The following SNTG1 variants were observed in gnomAD, a reference collection of about 807,000 sequenced individuals.
The protein encoded by SNTG1 is syntrophin gamma 1.
Under a neutral mutation model 74.7 loss-of-function variants are expected in SNTG1, and 39 were observed. That is an observed-to-expected ratio of 0.52 (90% CI 0.40 to 0.68). The LOEUF (loss-of-function observed/expected upper bound fraction) is 0.68. Among genes scored for constraint, SNTG1 ranks in the 30% least tolerant of loss-of-function variants. The pLI, the probability that SNTG1 is intolerant of heterozygous loss-of-function variation, is 0.00. For missense variants in SNTG1, 685 were observed against 609.5 expected (o/e 1.12, Z -1.30); for synonymous variants, 254 against 217.1 (o/e 1.17, Z -1.49).
chr8:50,411,734 G>A (rs2092951918), intron 4 of SNTG1, among the ~76,000 whole-genome samples: 1 of 152,126 alleles, frequency 6.6e-6, no homozygotes, highest in Non-Finnish European at 1.5e-5. Flanking sequence ...GTCACCACTA[G>A]GGACATTTAC....
chr8:50,516,551 A>G (rs541236840), intron 9 of SNTG1, among the ~76,000 whole-genome samples: 1 of 152,204 alleles, frequency 6.6e-6, no homozygotes, highest in Non-Finnish European at 1.5e-5. Flanking sequence ...AACCTTTAAA[A>G]AAAGGTTAGA....
At chr8:50,660,327 GAAGAA>G in intron 15 of SNTG1, among the ~76,000 whole-genome samples, 1 of 145,646 alleles carries the variant, frequency 6.9e-6, no homozygotes, top group Middle Eastern at 3.6e-3. Context: ...AAGAAGGAAA[GAAGAA>G]AGAAAGAAAG....
intron 1 of SNTG1, among the ~76,000 whole-genome samples, chr8:50,104,466 G>A (rs1160752169): frequency 6.6e-6 from 1 of 151,754 alleles, no homozygotes; most frequent in Non-Finnish European, 1.5e-5. Flanking sequence ...TTCTTTATTA[G>A]TCTTGCTAGC....
At chr8:50,636,097 A>G (rs1213894985) in intron 13 of SNTG1, among the ~76,000 whole-genome samples, 1 of 114,422 alleles carries the variant, frequency 8.7e-6, no homozygotes, top group Non-Finnish European at 2.1e-5. Flanking sequence ...TAGGGCCTAG[A>G]ATGGGTTCCT....
chr8:50,604,923 G>A, intron 13 of SNTG1, among the ~76,000 whole-genome samples: 1 of 152,140 alleles, frequency 6.6e-6, no homozygotes, highest in Non-Finnish European at 1.5e-5. Context: ...TATCCCTGCA[G>A]GTTATTCAGG....
rs142021659 is a variant in SNTG1, at chr8:50,373,844, C to A, written c.-27-20368C>A. Among the ~76,000 whole-genome samples the A allele has an allele frequency of 5.9e-5, 9 of 152,260 alleles. No homozygotes were observed. The East Asian group carries it at 1.7e-3, about 29-fold the overall frequency. ...GGCTGACTCCACACCTGTTCGCATGCCTTAGCATTGTTTGATCACCAGGCC... is the reference window on the plus strand; with the variant it reads ...GGCTGACTCCACACCTGTTCGCATGACTTAGCATTGTTTGATCACCAGGCC... On this transcript the variant is annotated intron_variant, in intron 2 of 18. Coordinates refer to ENST00000642720, the MANE Select transcript of SNTG1 (RefSeq NM_018967.5).
intron 1 of SNTG1, among the ~76,000 whole-genome samples, chr8:50,137,577 G>T (rs769850724): frequency 7.9e-5 from 12 of 152,128 alleles, no homozygotes; most frequent in Non-Finnish European, 1.5e-4. Flanking sequence ...AAGTATTCCC[G>T]AGAATAAATA....
At chr8:50,784,023 A>T (rs1053686360) in intron 18 of SNTG1, among the ~76,000 whole-genome samples, 1 of 152,192 alleles carries the variant, frequency 6.6e-6, no homozygotes, top group African/African-American at 2.4e-5. Flanking sequence ...TTCTTGCCAG[A>T]TAGGGGTAGA....
intron 2 of SNTG1, among the ~76,000 whole-genome samples, chr8:50,327,002 A>G (rs1324695545): frequency 6.6e-6 from 1 of 151,842 alleles, no homozygotes; most frequent in African/African-American, 2.4e-5. Flanking sequence ...GTGATTTTCT[A>G]GATATCTTTC....
intron 2 of SNTG1, among the ~76,000 whole-genome samples, chr8:50,264,610 A>C (rs902701563): frequency 6.6e-6 from 1 of 151,566 alleles, no homozygotes; most frequent in African/African-American, 2.4e-5. Context: ...GAAAAATGAA[A>C]GTAAACTAAA....
chr8:50,462,501 A>T (rs1463563899), intron 8 of SNTG1, among the ~76,000 whole-genome samples: 2 of 112,640 alleles, frequency 1.8e-5, no homozygotes, highest in African/African-American at 5.6e-5. Flanking sequence ...TGCCACATCT[A>T]TTGGCTCTTC....
chr8:50,390,826 G>C (rs1375544348), intron 2 of SNTG1, among the ~76,000 whole-genome samples: 1 of 152,108 alleles, frequency 6.6e-6, no homozygotes, highest in Non-Finnish European at 1.5e-5. Flanking sequence ...TATTCTCTTT[G>C]AAGCAATTGT....
chr8:50,666,679 A>G (rs2131318572), intron 15 of SNTG1, among the ~76,000 whole-genome samples: 1 of 152,248 alleles, frequency 6.6e-6, no homozygotes, highest in African/African-American at 2.4e-5. Flanking sequence ...ACAGTAAATT[A>G]TTATAGAAAT....
chr8:50,203,033 G>A (rs757856636), intron 2 of SNTG1, among the ~76,000 whole-genome samples: 9 of 151,644 alleles, frequency 5.9e-5, no homozygotes, highest in Non-Finnish European at 1.3e-4. Flanking sequence ...AAGTTCTTGG[G>A]TACTTCTTCT....
At position 50,536,979 on chromosome 8, in the gene SNTG1, C is replaced by T. The variant is rs180713482; in HGVS notation, c.680+171C>T. Among the ~76,000 whole-genome samples the T allele has an allele frequency of 2.6e-3, 402 of 152,296 alleles. 6 individuals carry two copies. The highest frequency in any genetic ancestry group is 6.3e-4 in the Non-Finnish European group (43 of 68,016). On this transcript the variant is annotated intron_variant, in intron 11 of 18. Coordinates refer to ENST00000642720, the MANE Select transcript of SNTG1 (RefSeq NM_018967.5). ...AGTTAAACACTTATTATTCTGATGA[C>T]AAAACCACAAGTTAAAGCCCTGACT...
intron 1 of SNTG1, among the ~76,000 whole-genome samples, chr8:49,950,246 G>A (rs1585628890): frequency 6.6e-6 from 1 of 152,172 alleles, no homozygotes; most frequent in Middle Eastern, 3.4e-3. Flanking sequence ...TTTAAATGTT[G>A]CTTGCTTAAT....
intron 2 of SNTG1, among the ~76,000 whole-genome samples, chr8:50,275,447 T>C (rs1028466852): frequency 6.6e-6 from 1 of 152,216 alleles, no homozygotes; most frequent in Non-Finnish European, 1.5e-5. Flanking sequence ...GCATATTAGT[T>C]TATATCTTTA....
intron 17 of SNTG1, among the ~76,000 whole-genome samples, chr8:50,711,898 A>C (rs1238509063): frequency 6.6e-6 from 1 of 152,164 alleles, no homozygotes; most frequent in Non-Finnish European, 1.5e-5. Flanking sequence ...TTTCACTGTT[A>C]GAGAAGGGTA....
chr8:50,345,790 A>C (rs1185946595), intron 2 of SNTG1, among the ~76,000 whole-genome samples: 2 of 152,208 alleles, frequency 1.3e-5, no homozygotes, highest in Non-Finnish European at 2.9e-5. Context: ...CTAAAATTCA[A>C]ATTCTGAAAT....
Sources: allele counts gnomAD v4.1 joint callset (sites outside exome capture counted in the v4.1 genomes callset), GRCh38; gene constraint gnomAD v4.1.1; transcripts MANE v1.5; gene names NCBI Gene and HGNC (gene_info 2026-07-23, HGNC 2026-07-21).